ERBIN: variants seen among roughly 807,000 people sequenced by gnomAD.
ERBIN encodes densin-180-like protein.
Under a neutral mutation model 158.4 loss-of-function variants are expected in ERBIN, and 60 were observed. The ratio of observed to expected loss-of-function variants is 0.38; its 90% confidence interval spans 0.31 to 0.47. ERBIN has a LOEUF of 0.47. ERBIN is among the 20% of genes least tolerant of loss of function. ERBIN has a pLI of 0.99. For synonymous variants in ERBIN, 594 were observed against 557.2 expected (o/e 1.07, Z -0.93); for missense variants, 1,610 against 1,648.0 (o/e 0.98, Z 0.40).
chr5:65,948,786 CAG>C (rs372222049), intron 1 of ERBIN, among the ~76,000 whole-genome samples: 955 of 64,026 alleles, frequency 0.015, 18 homozygotes, highest in African/African-American at 0.046. Context: ...TTTTTTGAGA[CAG>C]AGTCTCCCTC....
In ERBIN at chr5:66,050,225, T is replaced by C; in HGVS notation, c.1904-558T>C. Among the ~76,000 whole-genome samples, 2 of 25,044 alleles carry C rather than the reference T, an allele frequency of 8.0e-5. 1 individual carries two copies. The highest frequency in any genetic ancestry group is 1.7e-4 in the Non-Finnish European group (2 of 11,620). The allele number at this position is 25,044 out of a possible 152,430, so 16.4% of individuals were successfully genotyped here. On this transcript the variant is annotated intron_variant, in intron 19 of 25. Coordinates refer to ENST00000284037, the MANE Select transcript of ERBIN (RefSeq NM_001253697.2). ...CACCTTGTCAGTAACTAAATCGAATTCTTTTTTTTTTTTTTTTTTTTTTTT... is the reference window on the plus strand; with the variant it reads ...CACCTTGTCAGTAACTAAATCGAATCCTTTTTTTTTTTTTTTTTTTTTTTT...
intron 1 of ERBIN, among the ~76,000 whole-genome samples, chr5:65,944,056 A>G (rs1745426039): frequency 6.6e-6 from 1 of 152,192 alleles, no homozygotes; most frequent in Admixed American, 6.5e-5. Context: ...GTGGGTAGAC[A>G]CTGGGGTTGA....
intron 1 of ERBIN, among the ~76,000 whole-genome samples, chr5:65,968,596 C>T (rs769860996): frequency 5.9e-5 from 9 of 152,048 alleles, no homozygotes; most frequent in African/African-American, 1.5e-4. Flanking sequence ...TGTCTTGCTC[C>T]GTTGCCCAGG....
chr5:66,008,198 C>T (rs533282600), intron 4 of ERBIN, among the ~76,000 whole-genome samples: 1 of 152,228 alleles, frequency 6.6e-6, no homozygotes, highest in South Asian at 2.1e-4. Flanking sequence ...GGGCGGATCA[C>T]GAGGTCAGGA....
chr5:66,008,510 A>G (rs1202590390), intron 4 of ERBIN, among the ~76,000 whole-genome samples: 1 of 152,206 alleles, frequency 6.6e-6, no homozygotes, highest in East Asian at 1.9e-4. Flanking sequence ...GCTAATAAAT[A>G]CATTTTTATA....
At chr5:66,057,469 T>C (rs1009607766) in intron 21 of ERBIN, among the ~76,000 whole-genome samples, 4 of 152,228 alleles carry the variant, frequency 2.6e-5, no homozygotes, top group Admixed American at 2.0e-4. Context: ...GGTTATTTTA[T>C]GATGGTAAAA....
chr5:65,933,020 T>C (rs1457280051), intron 1 of ERBIN, among the ~76,000 whole-genome samples: 1 of 152,184 alleles, frequency 6.6e-6, no homozygotes, highest in African/African-American at 2.4e-5. Context: ...CTTGAACTCC[T>C]GGCCTCAAGC....
intron 15 of ERBIN, among the ~76,000 whole-genome samples, chr5:66,042,222 T>A (rs1307237916): frequency 1.3e-5 from 2 of 152,048 alleles, no homozygotes; most frequent in Non-Finnish European, 2.9e-5. Flanking sequence ...TAAAGGATAG[T>A]CATTTTCTTT....
At chr5:65,982,564 G>C (rs1750773331) in intron 1 of ERBIN, among the ~76,000 whole-genome samples, 1 of 152,140 alleles carries the variant, frequency 6.6e-6, no homozygotes. Flanking sequence ...GAGGCTTGAT[G>C]ATCTGTCTCA....
At chr5:65,934,836 A>G (rs1327449947) in intron 1 of ERBIN, among the ~76,000 whole-genome samples, 1 of 152,202 alleles carries the variant, frequency 6.6e-6, no homozygotes, top group Non-Finnish European at 1.5e-5. Context: ...GACATAATGC[A>G]TTACTATTTA....
chr5:65,979,418 G>A (rs761204075), intron 1 of ERBIN, among the ~76,000 whole-genome samples: 1 of 152,026 alleles, frequency 6.6e-6, no homozygotes, highest in African/African-American at 2.4e-5. Flanking sequence ...CTGAGACCCT[G>A]TCTGGAAAAA....
chr5:65,941,307 G>C (rs1319929178), intron 1 of ERBIN, among the ~76,000 whole-genome samples: 2 of 44,788 alleles, frequency 4.5e-5, no homozygotes, highest in East Asian at 1.1e-3. Context: ...ACCCAAGAAT[G>C]ATCAATAAAA....
chr5:66,053,575 A>G lies in ERBIN; in HGVS notation c.2257A>G (p.Thr753Ala), dbSNP rs778722250. The G allele has an allele frequency of 6.2e-7, 1 of 1,609,440 alleles. No individual in the cohort carries two copies. ...TGAGAAAAGTGTTGACTCAACAGCCACAGCTGATGACACTCACAAATTAGA... is the reference window on the plus strand; with the variant it reads ...TGAGAAAAGTGTTGACTCAACAGCCGCAGCTGATGACACTCACAAATTAGA... ...LIEKSVDSTATADDTHKLDHI... is the reference protein window; with the variant it reads ...LIEKSVDSTAAADDTHKLDHI... The change falls in exon 21 of 26, where the codon ACA (threonine) becomes GCA (alanine). Residue 753 changes from threonine (T) to alanine (A), a missense_variant. Coordinates refer to ENST00000284037, the MANE Select transcript of ERBIN (RefSeq NM_001253697.2).
rs184673512 is a variant in ERBIN, at chr5:65,988,404, G to T, written c.-57-231G>T. ...AAAAAAAAAGCTAGTCATTTATTTA[G>T]AAGCTGGTAAATATGTGTGTGTGTG... On this transcript the variant is annotated intron_variant, in intron 1 of 25. Coordinates refer to ENST00000284037, the MANE Select transcript of ERBIN (RefSeq NM_001253697.2). 1.8e-3 allele frequency among the ~76,000 whole-genome samples: 278 copies of T among 151,752 alleles called. 2 individuals carry two copies. The highest frequency in any genetic ancestry group is 1.9e-3 in the Non-Finnish European group (126 of 67,930).
intron 19 of ERBIN, among the ~76,000 whole-genome samples, chr5:66,050,002 A>G (rs957526): frequency 0.7 from 106,638 of 151,900 alleles, 39,680 homozygotes; most frequent in Non-Finnish European, 0.84. Flanking sequence ...TTTGGTGATT[A>G]TATGTTTGTG....
rs1561385718 is a variant in ERBIN, at chr5:66,021,405, A to G, written c.597+20A>G. 6.6e-7 allele frequency: 1 copy of G among 1,520,654 alleles called. No homozygotes were observed. The highest frequency in any genetic ancestry group is 1.8e-5 in the Admixed American group (1 of 55,110). 94.2% of individuals were successfully genotyped at this position (1,520,654 alleles called of 1,614,324 possible). On this transcript the variant is annotated intron_variant, in intron 8 of 25. Coordinates refer to ENST00000284037, the MANE Select transcript of ERBIN (RefSeq NM_001253697.2). ...GAAGTGGTAAGTTCTCATCAGTCTC[A>G]CTTTCCCTAAGTTCTTATATTTAAT...
intron 4 of ERBIN, among the ~76,000 whole-genome samples, chr5:65,999,456 G>T (rs73766305): frequency 0.027 from 4,035 of 152,236 alleles, 181 homozygotes; most frequent in African/African-American, 0.093. Context: ...GTTTAAATAT[G>T]CATCCCCTAA....
intron 2 of ERBIN, among the ~76,000 whole-genome samples, chr5:65,990,709 AAGAACTTAGCACAGTGCCTGGT>A (rs1298929236): frequency 6.6e-6 from 1 of 152,002 alleles, no homozygotes; most frequent in African/African-American, 2.4e-5. Flanking sequence ...AGTTTATCTA[AAGAACTTAGCACAGTGCCTGGT>A]ATAGAGTGAT....
intron 2 of ERBIN, among the ~76,000 whole-genome samples, chr5:65,990,716 T>C (rs1424058686): frequency 6.6e-6 from 1 of 152,008 alleles, no homozygotes; most frequent in Non-Finnish European, 1.5e-5. Context: ...CTAAAGAACT[T>C]AGCACAGTGC....
Sources: allele counts gnomAD v4.1 joint callset (sites outside exome capture counted in the v4.1 genomes callset), GRCh38; gene constraint gnomAD v4.1.1; transcripts MANE v1.5; gene names NCBI Gene and HGNC (gene_info 2026-07-23, HGNC 2026-07-21).